GPC5: variants seen among roughly 807,000 people sequenced by gnomAD.
GPC5 encodes the protein glypican-5.
GPC5 carries 47 observed loss-of-function variants against 53.9 expected under a neutral mutation model. The ratio of observed to expected loss-of-function variants is 0.87; its 90% CI spans 0.69 to 1.11. The LOEUF is 1.11. Ranked by LOEUF, GPC5 falls within the 50% of genes most tolerant of loss-of-function variation. GPC5 has a pLI of 0.00. For synonymous variants in GPC5, 286 were observed against 263.3 expected (o/e 1.09, Z -0.84); for missense variants, 748 against 713.1 (o/e 1.05, Z -0.56).
In GPC5 at chr13:92,124,891, C is replaced by T. The variant is rs902694163; in HGVS notation, c.1402-19939C>T. On this transcript the variant is annotated intron_variant, in intron 6 of 7. Transcript: ENST00000377067. ...ACAGCTCTCATGTTTCTGATTCCAC[C>T]TCCCGGTATCTTGTGTTATCTCCCC... Among the ~76,000 whole-genome samples the T allele has an allele frequency of 3.9e-5, 6 of 152,152 alleles. 1 individual carries two copies. The highest frequency in any genetic ancestry group is 1.2e-4 in the African/African-American group (5 of 41,412).
At chr13:92,685,518 C>T (rs1327441844) in intron 7 of GPC5, among the ~76,000 whole-genome samples, 2 of 142,788 alleles carry the variant, frequency 1.4e-5, no homozygotes, top group African/African-American at 2.7e-5. Flanking sequence ...AAAAAATAAT[C>T]AAGTTATTTA....
At chr13:91,631,884 C>T (rs2034166413) in intron 2 of GPC5, among the ~76,000 whole-genome samples, 1 of 152,120 alleles carries the variant, frequency 6.6e-6, no homozygotes, top group African/African-American at 2.4e-5. Context: ...TAGAGAACCA[C>T]CTGGAGAGAT....
intron 5 of GPC5, among the ~76,000 whole-genome samples, chr13:91,803,733 CTGG>C (rs1354144773): frequency 6.6e-6 from 1 of 151,456 alleles, no homozygotes; most frequent in Non-Finnish European, 1.5e-5. Flanking sequence ...TAAGTTGCCT[CTGG>C]TAGACATTCT....
At chr13:92,052,784 T>C (rs2041041183) in intron 6 of GPC5, among the ~76,000 whole-genome samples, 1 of 152,178 alleles carries the variant, frequency 6.6e-6, no homozygotes, top group South Asian at 2.1e-4. Context: ...AGAGCCAAGT[T>C]ATACAGCAAG....
chr13:92,071,999 G>T (rs1470559626), intron 6 of GPC5, among the ~76,000 whole-genome samples: 1 of 144,478 alleles, frequency 6.9e-6, no homozygotes, highest in Non-Finnish European at 1.5e-5. Flanking sequence ...TTATTTATAT[G>T]TATTGATAGG....
intron 4 of GPC5, among the ~76,000 whole-genome samples, chr13:91,739,664 G>A (rs1479076982): frequency 6.6e-6 from 1 of 151,336 alleles, no homozygotes; most frequent in Non-Finnish European, 1.5e-5. Context: ...GACTGCTTGA[G>A]TGTCTTCACA....
Position 92,699,963 on chromosome 13 carries a change from G to T in GPC5, c.1562-166319G>T, listed in dbSNP as rs1887676367. ...TTAGGTCCACTTGTTCCAGAGATGAGTTCAAATCCTGGATATCCTTGTTAA... is the reference window on the plus strand; with the variant it reads ...TTAGGTCCACTTGTTCCAGAGATGATTTCAAATCCTGGATATCCTTGTTAA... On this transcript the variant is annotated intron_variant, in intron 7 of 7. Transcript: ENST00000377067. 2.0e-5 allele frequency among the ~76,000 whole-genome samples: 3 copies of T among 152,128 alleles called. No individual in the cohort carries two copies. The South Asian group carries it at 6.2e-4, about 31-fold the overall frequency.
intron 7 of GPC5, among the ~76,000 whole-genome samples, chr13:92,757,017 T>C (rs943388035): frequency 1.4e-4 from 22 of 151,916 alleles, no homozygotes; most frequent in African/African-American, 2.2e-4. Context: ...AGAGCCCGCA[T>C]TGCCAAGTCA....
chr13:92,326,462 T>C (rs1349960739), intron 7 of GPC5, among the ~76,000 whole-genome samples: 1 of 152,148 alleles, frequency 6.6e-6, no homozygotes, highest in African/African-American at 2.4e-5. Flanking sequence ...TTGCTGTTGG[T>C]AGTTTATTGA....
chr13:92,206,227 G>T (rs1461326917), intron 7 of GPC5, among the ~76,000 whole-genome samples: 1 of 143,762 alleles, frequency 7.0e-6, no homozygotes, highest in East Asian at 2.2e-4. Flanking sequence ...GTGTAGTGGC[G>T]CAATCTCGGC....
At chr13:92,803,825 C>A (rs574921905) in intron 7 of GPC5, among the ~76,000 whole-genome samples, 1 of 151,964 alleles carries the variant, frequency 6.6e-6, no homozygotes, top group African/African-American at 2.4e-5. Flanking sequence ...TGTATTGTTT[C>A]TCTTTACAAT....
rs149911146 is a variant in GPC5, at chr13:92,593,264, C to T, written c.1562-273018C>T. On this transcript the variant is annotated intron_variant, in intron 7 of 7. Transcript: ENST00000377067. Reference sequence around the variant, plus strand: ...TATTTGCAGGAGTGCATGACAGTGGCTGGTTCCATGGTGGAAACGTGATTG... The same window carrying T: ...TATTTGCAGGAGTGCATGACAGTGGTTGGTTCCATGGTGGAAACGTGATTG... 2.4e-4 allele frequency among the ~76,000 whole-genome samples: 37 copies of T among 151,286 alleles called. 1 individual carries two copies. The highest frequency in any genetic ancestry group is 9.0e-4 in the African/African-American group (37 of 41,306).
chr13:92,500,453 G>A (rs537207774), intron 7 of GPC5, among the ~76,000 whole-genome samples: 1 of 152,146 alleles, frequency 6.6e-6, no homozygotes, highest in Non-Finnish European at 1.5e-5. Flanking sequence ...GATGGTCAAA[G>A]GTTAGTCTTA....
chr13:91,985,597 A>G (rs929845702), intron 6 of GPC5, among the ~76,000 whole-genome samples: 4 of 151,980 alleles, frequency 2.6e-5, no homozygotes, highest in Admixed American at 2.0e-4. Context: ...TCAGTTACAC[A>G]TGTTTATTCA....
chr13:92,193,468 G>A (rs1162207295), intron 7 of GPC5, among the ~76,000 whole-genome samples: 1 of 152,124 alleles, frequency 6.6e-6, no homozygotes, highest in African/African-American at 2.4e-5. Flanking sequence ...AGAATTCCCA[G>A]AGAGTTTCCT....
intron 7 of GPC5, among the ~76,000 whole-genome samples, chr13:92,519,138 G>C (rs1187749146): frequency 1.3e-5 from 2 of 152,124 alleles, no homozygotes; most frequent in South Asian, 2.1e-4. Flanking sequence ...CAAGTTCTTA[G>C]AGATCTACAA....
At chr13:91,757,901 AT>A (rs1261449660) in intron 5 of GPC5, among the ~76,000 whole-genome samples, 1 of 152,160 alleles carries the variant, frequency 6.6e-6, no homozygotes, top group African/African-American at 2.4e-5. Flanking sequence ...ACTATAATCA[AT>A]TTTAATAGAA....
chr13:92,442,669 G>C (rs1470829363), intron 7 of GPC5, among the ~76,000 whole-genome samples: 1 of 152,106 alleles, frequency 6.6e-6, no homozygotes, highest in African/African-American at 2.4e-5. Context: ...ATTGTCTCCT[G>C]GTTCAATTGT....
intron 1 of GPC5, among the ~76,000 whole-genome samples, chr13:91,407,985 A>G (rs74106720): frequency 0.012 from 1,812 of 152,290 alleles, 41 homozygotes; most frequent in African/African-American, 0.042. Flanking sequence ...CACAGTACAG[A>G]TGCATTGTGG....
Sources: gnomAD v4.1 joint callset for allele counts (sites outside exome capture counted in the v4.1 genomes callset) on GRCh38, gnomAD v4.1.1 for gene constraint, MANE v1.5 for transcripts, NCBI Gene and HGNC (gene_info 2026-07-23, HGNC 2026-07-21) for gene names.